Variants in BRF1 observed in about 807,000 individuals in gnomAD.
The protein encoded by BRF1 is BRF1 general transcription factor IIIB subunit.
In BRF1, 59 loss-of-function variants were observed where a neutral mutation model predicts 81.7. That is an observed-to-expected ratio of 0.72 (90% CI 0.59 to 0.90). The LOEUF is 0.90. Among genes scored for constraint, BRF1 ranks in the 40% least tolerant of loss-of-function variants. The pLI, the probability that BRF1 is intolerant of heterozygous loss-of-function variation, is 0.00. For missense variants in BRF1, 1,050 were observed against 936.3 expected, an observed-to-expected ratio of 1.12 and a Z score of -1.58; for synonymous variants, 491 against 395.6, an observed-to-expected ratio of 1.24 and a Z score of -2.86.
In BRF1 at chr14:105,222,767, T is replaced by C. The variant is rs925384616; in HGVS notation, c.1049-853A>G. On this transcript the variant is annotated intron_variant, in intron 10 of 17. Transcript: ENST00000547530. ...CCTCAGCCTCCTGAGTAGCTGGGAC[T>C]ACAGGCGCCCGCCACCACACCCGGC... Among the ~76,000 whole-genome samples the C allele has an allele frequency of 2.1e-4, 32 of 152,164 alleles. 1 individual carries two copies. Among genetic ancestry groups the C allele is most frequent in the Admixed American group, 1.2e-3 (19 of 15,272 alleles).
At chr14:105,292,233 G>C (rs1164025327) in intron 1 of BRF1, among the ~76,000 whole-genome samples, 1 of 151,940 alleles carries the variant, frequency 6.6e-6, no homozygotes, top group Non-Finnish European at 1.5e-5. Context: ...GCCCAGGCTG[G>C]AGTGTAATGG....
chr14:105,221,317 C>T (rs866829267), intron 11 of BRF1, among the ~76,000 whole-genome samples: 6 of 152,318 alleles, frequency 3.9e-5, no homozygotes, highest in South Asian at 2.1e-4. Context: ...GTTGGACAAG[C>T]GGATGAGGGG....
At chr14:105,300,364 T>C (rs1401055644) in intron 1 of BRF1, 82 bp downstream of exon 1, 3 of 1,357,886 alleles carry the variant, frequency 2.2e-6, no homozygotes, top group Non-Finnish European at 1.9e-6. Context: ...ACCGAGGCGC[T>C]GGTCCCGGCC....
chr14:105,294,093 T>G (rs7154463), intron 1 of BRF1, among the ~76,000 whole-genome samples: 1 of 151,942 alleles, frequency 6.6e-6, no homozygotes, highest in Non-Finnish European at 1.5e-5. Flanking sequence ...GGATGCCAAG[T>G]GGGCACCTAG....
chr14:105,226,120 C>G lies in BRF1; in HGVS notation c.997G>C (p.Glu333Gln). Residue 333 changes from glutamate (E) to glutamine (Q), a missense_variant, in exon 10 of 18, where the codon GAA becomes CAA. Physicochemically the swap from Glu to Gln is conservative, Grantham distance 29. Transcript: ENST00000547530. The part of the protein sequence containing the change: ...SYQDAIEIEL[E>Q]NSRPKAKGGL... Reference sequence around the variant, plus strand: ...CCCTTGGCCTTTGGCCGGCTGTTTTCTAGTTCAATCTCAATTGCATCCTGG... The same window carrying G: ...CCCTTGGCCTTTGGCCGGCTGTTTTGTAGTTCAATCTCAATTGCATCCTGG... 1 of 1,613,826 alleles carries G rather than the reference C, an allele frequency of 6.2e-7. No individual in the cohort carries two copies. The highest frequency in any genetic ancestry group is 8.5e-7 in the Non-Finnish European group (1 of 1,180,030).
chr14:105,226,972 C>G (rs2091920), intron 7 of BRF1: 173,301 of 585,920 alleles, frequency 0.3, 35,436 homozygotes, highest in African/African-American at 0.78. Context: ...AAATTAGCCA[C>G]GCATGGTGGT....
In BRF1 at chr14:105,309,023, A is replaced by G. The variant is rs868205775; in HGVS notation, c.-162+6299T>C. On this transcript the variant is annotated intron_variant, in intron 1 of 17. Transcript: ENST00000327359. This position sits in a 1 kb window ranked among gnomAD's most constrained non-coding sequence, Gnocchi z 4.0. ...AAGACAAACAAAACCTAACAAAACC[A>G]GAAATCCATCCTGCACGAAGAGCAC... Among the ~76,000 whole-genome samples, 2 of 152,170 alleles carry G rather than the reference A, an allele frequency of 1.3e-5. No individual in the cohort carries two copies. Among genetic ancestry groups the G allele is most frequent in the Non-Finnish European group, 2.9e-5 (2 of 68,026 alleles).
intron 5 of BRF1, chr14:105,248,537 C>A: frequency 2.2e-6 from 2 of 914,842 alleles, no homozygotes; most frequent in South Asian, 1.0e-4. Context: ...CCTGACGCAG[C>A]GTGACGCACC....
rs587672729 is a variant in BRF1, at chr14:105,265,638, T to C, written c.439+7083A>G. Among the ~76,000 whole-genome samples the C allele has an allele frequency of 1.7e-4, 26 of 152,188 alleles. No homozygotes were observed. The South Asian group carries it at 3.1e-3, about 18-fold the overall frequency. On this transcript the variant is annotated intron_variant, in intron 3 of 17. Coordinates refer to ENST00000547530, the MANE Select transcript of BRF1 (RefSeq NM_001519.4). ...TGGGCCAGGCATAGTGGCTCACACC[T>C]GTAATCCCAGCAGTATTGGGAGGCC...
chr14:105,306,302 T>G (rs1290165932), intron 1 of BRF1, among the ~76,000 whole-genome samples: 7 of 152,024 alleles, frequency 4.6e-5, no homozygotes, highest in African/African-American at 1.7e-4. Flanking sequence ...TTTTGTTTTG[T>G]TTTGTTTTGT....
intron 1 of BRF1, among the ~76,000 whole-genome samples, chr14:105,288,591 C>A (rs1030341008): frequency 6.6e-6 from 1 of 151,880 alleles, no homozygotes; most frequent in Non-Finnish European, 1.5e-5. Flanking sequence ...GAGTTCAATA[C>A]CAGCCTGGGC....
At chr14:105,215,004 T>C (rs1440868063) in intron 15 of BRF1, among the ~76,000 whole-genome samples, 1 of 152,176 alleles carries the variant, frequency 6.6e-6, no homozygotes, top group African/African-American at 2.4e-5. Context: ...TGCCCAGGCC[T>C]GAGTGGGGGT....
Position 105,282,720 on chromosome 14 carries a change from G to C in BRF1, c.265+3576C>G, listed in dbSNP as rs180851741. On this transcript the variant is annotated intron_variant, in intron 2 of 17. Transcript: ENST00000547530. ...GGCCAAGGCGGGTGGATCACCTGAGGTCAGGAGTTCGAGATAAGCCTGGCC... is the reference window on the plus strand; with the variant it reads ...GGCCAAGGCGGGTGGATCACCTGAGCTCAGGAGTTCGAGATAAGCCTGGCC... Among the ~76,000 whole-genome samples the C allele has an allele frequency of 1.0e-3, 157 of 152,228 alleles. 1 individual carries two copies. Among genetic ancestry groups the C allele is most frequent in the Admixed American group, 5.8e-3 (89 of 15,298 alleles).
chr14:105,222,710 G>C (rs587713605), intron 10 of BRF1, among the ~76,000 whole-genome samples: 5 of 151,892 alleles, frequency 3.3e-5, no homozygotes, highest in African/African-American at 1.2e-4. Flanking sequence ...CTCACTGCAA[G>C]CTCCGCCTCC....
intron 5 of BRF1, chr14:105,250,404 T>C: frequency 2.5e-6 from 4 of 1,613,808 alleles, no homozygotes; most frequent in Non-Finnish European, 3.4e-6. Flanking sequence ...CTCGGGGTGG[T>C]TCTGGCTCAG....
chr14:105,293,921 GA>G (rs2057625965), intron 1 of BRF1, among the ~76,000 whole-genome samples: 2 of 152,360 alleles, frequency 1.3e-5, no homozygotes, highest in South Asian at 4.1e-4. Context: ...ACCTAGGAAA[GA>G]CAGTGGCCTT....
At position 105,226,291 on chromosome 14, in the gene BRF1, C is replaced by T. The variant is rs1893073857; in HGVS notation, c.916-1G>A. ...GTTTTTTTGACAGGACTTGTTCAAG[C>T]TGAAAGGGAACAGGGCAAGAGGCTT... On this transcript the variant is annotated splice_acceptor_variant, in intron 8 of 17. Coordinates refer to ENST00000547530, the MANE Select transcript of BRF1 (RefSeq NM_001519.4). LOFTEE classifies it high-confidence loss of function. 1 of 1,613,996 alleles carries T rather than the reference C, an allele frequency of 6.2e-7. No individual in the cohort carries two copies. Among genetic ancestry groups the T allele is most frequent in the Non-Finnish European group, 8.5e-7 (1 of 1,180,026 alleles).
intron 2 of BRF1, among the ~76,000 whole-genome samples, chr14:105,279,627 G>C (rs1342268838): frequency 6.6e-6 from 1 of 152,178 alleles, no homozygotes; most frequent in African/African-American, 2.4e-5. Context: ...ACTGGTACAA[G>C]CACTACAGAA....
At chr14:105,302,497 A>G (rs760784968), upstream of BRF1, among the ~76,000 whole-genome samples, 1 of 145,062 alleles carries the variant, frequency 6.9e-6, no homozygotes, top group Non-Finnish European at 1.5e-5. Flanking sequence ...GCCACCGTGC[A>G]TGGCCCTATT....
Sources: gnomAD v4.1 joint callset for allele counts (sites outside exome capture counted in the v4.1 genomes callset) on GRCh38, gnomAD v4.1.1 for gene constraint, Gnocchi (gnomAD v3.1) non-coding constraint, MANE v1.5 for transcripts, NCBI Gene and HGNC (gene_info 2026-07-23, HGNC 2026-07-21) for gene names.